KCNH8: variants seen among roughly 807,000 people sequenced by gnomAD.
The protein encoded by KCNH8 is voltage-gated delayed rectifier potassium channel KCNH8.
Under a neutral mutation model 103.6 loss-of-function variants are expected in KCNH8, and 70 were observed. That is an observed-to-expected ratio of 0.68 (90% CI 0.56 to 0.82). KCNH8 has a LOEUF of 0.82. Among genes scored for constraint, KCNH8 ranks in the 40% least tolerant of loss-of-function variants. The probability of loss-of-function intolerance (pLI) is 0.00; values close to 1 mark genes in which losing one functional copy is unlikely to be tolerated. For missense variants in KCNH8, 1,217 were observed against 1,329.9 expected (o/e 0.92, Z 1.32); for synonymous variants, 498 against 489.4 (o/e 1.02, Z -0.23).
At chr3:19,298,879 G>C (rs779113683) in intron 3 of KCNH8, among the ~76,000 whole-genome samples, 5 of 141,888 alleles carry the variant, frequency 3.5e-5, no homozygotes, top group Admixed American at 3.0e-4. Context: ...CCGAGATCGC[G>C]CCACTGCACT....
chr3:19,425,152 C>T (rs1000166170), intron 7 of KCNH8, among the ~76,000 whole-genome samples: 4 of 152,162 alleles, frequency 2.6e-5, no homozygotes, highest in Admixed American at 1.3e-4. Context: ...CGTTCTGTAC[C>T]CTTAACTTGA....
At chr3:19,415,864 G>A (rs1367126881) in intron 7 of KCNH8, among the ~76,000 whole-genome samples, 1 of 151,872 alleles carries the variant, frequency 6.6e-6, no homozygotes, top group Non-Finnish European at 1.5e-5. Flanking sequence ...TGTTACCAGT[G>A]TTTTTCAATT....
At chr3:19,479,959 G>A (rs1436338318) in intron 11 of KCNH8, among the ~76,000 whole-genome samples, 8 of 152,144 alleles carry the variant, frequency 5.3e-5, no homozygotes, top group Admixed American at 3.3e-4. Flanking sequence ...CCATGAATCA[G>A]TCAGAAAGAA....
intron 1 of KCNH8, among the ~76,000 whole-genome samples, chr3:19,177,441 A>G (rs2063411264): frequency 6.6e-6 from 1 of 152,018 alleles, no homozygotes; most frequent in South Asian, 2.1e-4. Flanking sequence ...AATAGGAATT[A>G]TTTTCTATTA....
intron 12 of KCNH8, 95 bp from the exon 13 acceptor site, chr3:19,512,875 A>C: frequency 9.1e-7 from 1 of 1,093,728 alleles, no homozygotes; most frequent in Non-Finnish European, 1.3e-6. Context: ...TCTCTAAGAG[A>C]TTTGACTTTG....
At chr3:19,198,988 G>A (rs1028542580) in intron 1 of KCNH8, among the ~76,000 whole-genome samples, 2 of 152,006 alleles carry the variant, frequency 1.3e-5, no homozygotes, top group African/African-American at 4.8e-5. Flanking sequence ...GCAGGCGTCA[G>A]GTGAACAGAT....
chr3:19,411,372 A>G (rs1474544269), intron 7 of KCNH8, among the ~76,000 whole-genome samples: 1 of 152,114 alleles, frequency 6.6e-6, no homozygotes, highest in East Asian at 1.9e-4. Flanking sequence ...ATCTTGAAAC[A>G]GTAAGAGCCA....
In KCNH8 at chr3:19,201,231, CAAAAAAAAAAAAAAAAAAA is replaced by C. The variant is rs1170312203; in HGVS notation, c.77-52410_77-52392del. Among the ~76,000 whole-genome samples the C allele has an allele frequency of 1.0e-3, 23 of 22,064 alleles. No individual in the cohort carries two copies. The East Asian group carries it at 0.03, about 29-fold the overall frequency. The allele number at this position is 22,064 out of a possible 152,430, so 14.5% of individuals were successfully genotyped here. ...TGGGTGAAGTAGCAAGACTCTGCCT[CAAAAAAAAAAAAAAAAAAA>C]AAAAAAAAAAAAGAAAAGAAAATTA... is the stretch of plus-strand genomic sequence containing the variant. On this transcript the variant is annotated intron_variant, in intron 1 of 15. Coordinates refer to ENST00000328405, the MANE Select transcript of KCNH8 (RefSeq NM_144633.3).
intron 5 of KCNH8, among the ~76,000 whole-genome samples, chr3:19,364,698 C>T (rs955844592): frequency 3.3e-5 from 5 of 151,708 alleles, no homozygotes; most frequent in African/African-American, 9.7e-5. Context: ...GGGAAAAGAC[C>T]GTGCATTGAA....
intron 5 of KCNH8, among the ~76,000 whole-genome samples, chr3:19,366,247 C>T (rs1051209875): frequency 3.9e-5 from 6 of 151,950 alleles, no homozygotes; most frequent in Non-Finnish European, 5.9e-5. Flanking sequence ...ATTATTGTTA[C>T]TTATTCCTAT....
intron 1 of KCNH8, among the ~76,000 whole-genome samples, chr3:19,236,214 C>G (rs1424811229): frequency 1.3e-5 from 2 of 152,270 alleles, no homozygotes; most frequent in South Asian, 4.1e-4. Flanking sequence ...TTGTTAGTCT[C>G]TCTTTGAATC....
chr3:19,222,849 T>A (rs2125232693), intron 1 of KCNH8, among the ~76,000 whole-genome samples: 1 of 152,276 alleles, frequency 6.6e-6, no homozygotes, highest in South Asian at 2.1e-4. Context: ...TTTACTTTAC[T>A]AGTGAGGAAG....
At chr3:19,269,611 G>A (rs2064560137) in intron 2 of KCNH8, among the ~76,000 whole-genome samples, 1 of 151,438 alleles carries the variant, frequency 6.6e-6, no homozygotes, top group Non-Finnish European at 1.5e-5. Flanking sequence ...TAACTTTCTA[G>A]TTGCTTTGAT....
chr3:19,397,537 A>ATG (rs2066540598), intron 7 of KCNH8, among the ~76,000 whole-genome samples: 1 of 143,614 alleles, frequency 7.0e-6, no homozygotes, highest in African/African-American at 2.5e-5. Context: ...ATATATACAC[A>ATG]CATATATATA....
chr3:19,189,106 G>C (rs1442262232), intron 1 of KCNH8, among the ~76,000 whole-genome samples: 1 of 151,976 alleles, frequency 6.6e-6, no homozygotes, highest in Non-Finnish European at 1.5e-5. Context: ...AGGAATTTTA[G>C]ATGTCAGCTA....
At position 19,395,234 on chromosome 3, in the gene KCNH8, C is replaced by T; in HGVS notation, c.1100C>T (p.Ala367Val). 3.1e-6 allele frequency: 5 copies of T among 1,609,422 alleles called. No individual in the cohort carries two copies. The highest frequency in any genetic ancestry group is 4.2e-6 in the Non-Finnish European group (5 of 1,177,926). The change falls in exon 7 of 16, where the codon GCA becomes GTA. Residue 367 changes from alanine (A) to valine (V), a missense_variant. Transcript: ENST00000328405. The part of the protein sequence containing the change: ...TLLMSMFALL[A>V]HWMACIWYVI... ...CTCATGTCCATGTTTGCACTCCTTG[C>T]ACACTGGATGGCGTGTATCTGGTAC...
intron 7 of KCNH8, among the ~76,000 whole-genome samples, chr3:19,417,215 T>C (rs1366096203): frequency 1.4e-5 from 2 of 146,316 alleles, no homozygotes; most frequent in Non-Finnish European, 3.0e-5. Flanking sequence ...TATTCATATA[T>C]GTATATGTGT....
chr3:19,383,748 T>C (rs1553584929), intron 5 of KCNH8, among the ~76,000 whole-genome samples: 1 of 152,184 alleles, frequency 6.6e-6, no homozygotes, highest in Non-Finnish European at 1.5e-5. Context: ...ACCCCCATTG[T>C]GAATTTTTTA....
intron 1 of KCNH8, among the ~76,000 whole-genome samples, chr3:19,201,189 A>C (rs1024921183): frequency 3.0e-5 from 4 of 131,228 alleles, no homozygotes; most frequent in African/African-American, 1.1e-4. Flanking sequence ...CTGAGATCAC[A>C]CCACTGCACT....
Sources: allele counts gnomAD v4.1 joint callset (sites outside exome capture counted in the v4.1 genomes callset), GRCh38; gene constraint gnomAD v4.1.1; transcripts MANE v1.5; gene names NCBI Gene and HGNC (gene_info 2026-07-23, HGNC 2026-07-21).